The following FZD6 variants were observed in gnomAD, a reference collection of about 807,000 sequenced individuals.
FZD6 encodes the protein frizzled-6.
In FZD6, 49 loss-of-function variants were observed where a neutral mutation model predicts 61.4. The observed-to-expected ratio is 0.80, with a 90% confidence interval of 0.63 to 1.01. The LOEUF (loss-of-function observed/expected upper bound fraction) is 1.01, where lower values mean the gene tolerates loss of function less well. Among genes scored for constraint, FZD6 ranks in the 50% least tolerant of loss-of-function variants. The probability of loss-of-function intolerance (pLI) is 0.00; values close to 1 mark genes in which losing one functional copy is unlikely to be tolerated. For synonymous variants in FZD6, 265 were observed against 292.2 expected, an observed-to-expected ratio of 0.91 and a Z score of 0.95; for missense variants, 724 against 848.2, an observed-to-expected ratio of 0.85 and a Z score of 1.82.
chr8:103,332,610 A>G lies in FZD6; in HGVS notation c.*1101A>G, dbSNP rs1058130. The G allele has an allele frequency of 0.2, 29,770 of 152,566 alleles. 3,581 individuals carry two copies. Among genetic ancestry groups the G allele is most frequent in the East Asian group, 0.44 (2,289 of 5,166 alleles). 9.5% of individuals were successfully genotyped at this position (152,566 alleles called of 1,614,324 possible). On this transcript the variant is annotated 3_prime_UTR_variant, in exon 7 of 7. Coordinates refer to ENST00000358755, the MANE Select transcript of FZD6 (RefSeq NM_003506.4). ...TTTATACAACATACTTTAAAATATT[A>G]AGGAGTTTTCTTAATTTTGTTTCCT...
intron 2 of FZD6, among the ~76,000 whole-genome samples, chr8:103,314,180 A>G (rs1814570266): frequency 6.6e-6 from 1 of 152,226 alleles, no homozygotes; most frequent in Non-Finnish European, 1.5e-5. Flanking sequence ...TTTGTATAGC[A>G]AAAGTACATG....
intron 2 of FZD6, among the ~76,000 whole-genome samples, chr8:103,306,767 AG>A (rs1417053939): frequency 6.6e-6 from 1 of 151,894 alleles, no homozygotes; most frequent in Non-Finnish European, 1.5e-5. Flanking sequence ...GGCCTCCCAA[AG>A]TGCTGGGATT....
intron 3 of FZD6, among the ~76,000 whole-genome samples, chr8:103,320,611 A>G (rs930044203): frequency 2.0e-5 from 3 of 151,956 alleles, no homozygotes; most frequent in Non-Finnish European, 4.4e-5. Context: ...TAAAGGCATA[A>G]TGAGGATTTT....
intron 2 of FZD6, among the ~76,000 whole-genome samples, chr8:103,316,946 C>T (rs1162045599): frequency 6.6e-6 from 1 of 152,224 alleles, no homozygotes; most frequent in African/African-American, 2.4e-5. Context: ...AGACAAAATC[C>T]TTTCCCTCTT....
At position 103,300,144 on chromosome 8, in the gene FZD6, C is replaced by A. The variant is rs1814112336; in HGVS notation, c.37C>A (p.Leu13Ile). ...TACATTTTTGTTGACGTGTATTTTTCTACCCCTCCTAAGAGGGCACAGTCT... is the reference window on the plus strand; with the variant it reads ...TACATTTTTGTTGACGTGTATTTTTATACCCCTCCTAAGAGGGCACAGTCT... ...MFTFLLTCIF[L>I]PLLRGHSLFT... is the part of the protein sequence containing the mutation. Residue 13 changes from leucine to isoleucine, a missense_variant, in exon 2 of 7, where the codon CTA (leucine) becomes ATA (isoleucine). Transcript: ENST00000358755. 6.2e-7 allele frequency: 1 copy of A among 1,603,334 alleles called. No individual in the cohort carries two copies. The highest frequency in any genetic ancestry group is 8.5e-7 in the Non-Finnish European group (1 of 1,170,148).
At chr8:103,311,700 A>AAG (rs1297342975) in intron 2 of FZD6, among the ~76,000 whole-genome samples, 67 of 151,880 alleles carry the variant, frequency 4.4e-4, no homozygotes, top group Middle Eastern at 3.4e-3. Context: ...AAAAAAAAAA[A>AAG]AAGTGTTAAC....
At chr8:103,325,543 A>G in intron 4 of FZD6, 45 bp downstream of exon 4, 2 of 1,416,676 alleles carry the variant, frequency 1.4e-6, no homozygotes, top group Non-Finnish European at 2.0e-6. Context: ...CATTTAATGT[A>G]GAAAATGTTT....
At chr8:103,322,908 G>GA (rs1411640948) in intron 3 of FZD6, among the ~76,000 whole-genome samples, 1 of 151,986 alleles carries the variant, frequency 6.6e-6, no homozygotes, top group Non-Finnish European at 1.5e-5. Context: ...CTTTTAATGG[G>GA]AAAAAATCTA....
At chr8:103,312,558 T>C (rs1324799475) in intron 2 of FZD6, among the ~76,000 whole-genome samples, 1 of 152,216 alleles carries the variant, frequency 6.6e-6, no homozygotes, top group African/African-American at 2.4e-5. Context: ...AGCATAAAAT[T>C]AAGGACATAA....
At chr8:103,322,849 T>A (rs1381675689) in intron 3 of FZD6, among the ~76,000 whole-genome samples, 5 of 152,180 alleles carry the variant, frequency 3.3e-5, no homozygotes, top group Non-Finnish European at 7.3e-5. Context: ...TAGAAACTCT[T>A]ACACAGAGAG....
At chr8:103,329,013 T>TTATATATATATATATATA (rs55730772) in intron 5 of FZD6, among the ~76,000 whole-genome samples, 2,369 of 114,990 alleles carry the variant, frequency 0.021, 77 homozygotes, top group African/African-American at 0.046. Flanking sequence ...CATTTTAGTT[T>TTATATATATATATATATA]TATATATATA....
At chr8:103,321,739 A>G (rs1213877151) in intron 3 of FZD6, among the ~76,000 whole-genome samples, 1 of 152,182 alleles carries the variant, frequency 6.6e-6, no homozygotes, top group African/African-American at 2.4e-5. Context: ...CTACGTGAAG[A>G]GTTTTGTAAA....
intron 4 of FZD6, among the ~76,000 whole-genome samples, chr8:103,327,518 C>T (rs1479825134): frequency 1.3e-5 from 2 of 152,128 alleles, no homozygotes; most frequent in East Asian, 1.9e-4. Flanking sequence ...ATTGCTTGAA[C>T]GCGGGAGGCG....
intron 1 of FZD6, 45 bp downstream of exon 1, chr8:103,299,040 CG>C (rs1207841014): frequency 1.3e-5 from 2 of 152,476 alleles, no homozygotes; most frequent in Non-Finnish European, 2.9e-5. Flanking sequence ...GGGCGGGTGC[CG>C]GGGGAAGCGG....
At chr8:103,302,482 G>A (rs763664651) in intron 2 of FZD6, among the ~76,000 whole-genome samples, 4 of 152,072 alleles carry the variant, frequency 2.6e-5, no homozygotes, top group Non-Finnish European at 5.9e-5. Context: ...AAGAACCCCC[G>A]AACCCTTCAT....
chr8:103,299,954 A>G lies in FZD6; in HGVS notation c.-152-2A>G. 1 of 616,994 alleles carries G rather than the reference A, an allele frequency of 1.6e-6. No homozygotes were observed. The highest frequency in any genetic ancestry group is 2.9e-6 in the Non-Finnish European group (1 of 342,510). The allele number at this position is 616,994 out of a possible 1,614,324, so 38.2% of individuals were successfully genotyped here. On this transcript the variant is annotated splice_acceptor_variant, in intron 1 of 6. Transcript: ENST00000358755. LOFTEE classifies it low-confidence loss of function (5UTR_SPLICE). ...TGATACACCCTCCTTTTGTTTTTAC[A>G]GTAATTGACCCAGGACTCATTTTCA...
chr8:103,316,898 A>T (rs935018374), intron 2 of FZD6, among the ~76,000 whole-genome samples: 2 of 152,212 alleles, frequency 1.3e-5, no homozygotes, highest in Admixed American at 1.3e-4. Context: ...TGTAGCAGAC[A>T]CTGCTTTAGG....
chr8:103,307,545 A>C (rs1224768346), intron 2 of FZD6, among the ~76,000 whole-genome samples: 1 of 152,204 alleles, frequency 6.6e-6, no homozygotes, highest in African/African-American at 2.4e-5. Context: ...CTACTTTTTG[A>C]CAAAGGCTTA....
rs115763069 is a variant in FZD6, at chr8:103,303,410, C to A, written c.177+3126C>A. On this transcript the variant is annotated intron_variant, in intron 2 of 6. Coordinates refer to ENST00000358755, the MANE Select transcript of FZD6 (RefSeq NM_003506.4). ...CCTTTCTCCTGAGCAAATTTAATCA[C>A]CCCACTCTACACCCTTACAGTACTT... 2.0e-5 allele frequency among the ~76,000 whole-genome samples: 3 copies of A among 152,170 alleles called. No individual in the cohort carries two copies. In the South Asian group the frequency reaches 6.2e-4, roughly 32 times the overall value.
Sources: allele counts gnomAD v4.1 joint callset (sites outside exome capture counted in the v4.1 genomes callset), GRCh38; gene constraint gnomAD v4.1.1; transcripts MANE v1.5; gene names NCBI Gene and HGNC (gene_info 2026-07-23, HGNC 2026-07-21).